NT5M: variants seen among roughly 807,000 people sequenced by gnomAD.
NT5M encodes the protein 5'(3')-deoxyribonucleotidase, mitochondrial.
A neutral mutation model predicts 22.2 loss-of-function variants in NT5M; 22 were observed. That is an observed-to-expected ratio of 0.99 (90% CI 0.71 to 1.41). NT5M has a LOEUF of 1.41. NT5M is among the 40% of genes most tolerant of loss of function. The pLI is 0.00. For synonymous variants in NT5M, 167 were observed against 133.0 expected (o/e 1.26, Z -1.76); for missense variants, 322 against 314.8 (o/e 1.02, Z -0.17).
At position 17,325,005 on chromosome 17, in the gene NT5M, A is replaced by G. The variant is rs574538977; in HGVS notation, c.429+1760A>G. ...CAAAGTGAGTCCTGAGACCAGAGTC[A>G]GCATCCCTTGGAGACTCCTTAGGAG... On this transcript the variant is annotated intron_variant, in intron 3 of 4. Transcript: ENST00000389022. Among the ~76,000 whole-genome samples, 114 of 152,344 alleles carry G rather than the reference A, an allele frequency of 7.5e-4. 3 individuals carry two copies. Among genetic ancestry groups the G allele is most frequent in the Admixed American group, 7.3e-3 (112 of 15,304 alleles).
intron 2 of NT5M, among the ~76,000 whole-genome samples, chr17:17,317,049 G>GTTT (rs1351062225): frequency 3.7e-5 from 3 of 81,610 alleles, no homozygotes; most frequent in African/African-American, 1.1e-4. Context: ...TTTTGTTTTT[G>GTTT]TTTTTGTTTT....
intron 3 of NT5M, among the ~76,000 whole-genome samples, chr17:17,343,242 TATGTGTGTGTGTGTGC>T (rs2049684851): frequency 6.6e-6 from 1 of 152,078 alleles, no homozygotes; most frequent in East Asian, 1.9e-4. Flanking sequence ...GCCCTGTGCA[TATGTGTGTGTGTGTGC>T]ATGTGTGTGT....
chr17:17,314,452 G>A (rs990961597), intron 2 of NT5M, among the ~76,000 whole-genome samples: 1 of 152,112 alleles, frequency 6.6e-6, no homozygotes, highest in Non-Finnish European at 1.5e-5. Context: ...TAAGAATTTG[G>A]TGTGTATGCT....
At chr17:17,342,335 C>T (rs1228300290) in intron 3 of NT5M, among the ~76,000 whole-genome samples, 1 of 152,174 alleles carries the variant, frequency 6.6e-6, no homozygotes, top group Non-Finnish European at 1.5e-5. Context: ...TACGGGATCT[C>T]GTCACCACTA....
At chr17:17,335,008 A>G (rs1016013185) in intron 3 of NT5M, among the ~76,000 whole-genome samples, 1 of 152,104 alleles carries the variant, frequency 6.6e-6, no homozygotes, top group Admixed American at 6.6e-5. Flanking sequence ...TCATTTATGT[A>G]GGCCACCTCT....
At chr17:17,328,728 CCAGT>C (rs2049313378) in intron 3 of NT5M, among the ~76,000 whole-genome samples, 1 of 152,120 alleles carries the variant, frequency 6.6e-6, no homozygotes, top group African/African-American at 2.4e-5. Flanking sequence ...CTTTCAAGAC[CCAGT>C]CAGAGGATGG....
At chr17:17,329,233 CT>C in intron 3 of NT5M, among the ~76,000 whole-genome samples, 1 of 152,324 alleles carries the variant, frequency 6.6e-6, no homozygotes, top group South Asian at 2.1e-4. Flanking sequence ...CCGCCTCGGC[CT>C]CCCAAGGTGC....
rs571060178 is a variant in NT5M at position 17,323,151 on chromosome 17, G to A, written c.369-34G>A. 22 of 1,599,178 alleles carry A rather than the reference G, an allele frequency of 1.4e-5. No individual in the cohort carries two copies. In the East Asian group the frequency reaches 3.8e-4, roughly 28 times the overall value. ...GGCCTCGGGGTGGTGAAGTCATGGG[G>A]CTGCAGGCTCAACCTCCTTTCTCTT... On this transcript the variant is annotated intron_variant, in intron 2 of 4. Coordinates refer to ENST00000389022, the MANE Select transcript of NT5M (RefSeq NM_020201.4).
chr17:17,319,009 G>A (rs1034708032), intron 2 of NT5M, among the ~76,000 whole-genome samples: 12 of 151,548 alleles, frequency 7.9e-5, no homozygotes, highest in Admixed American at 2.6e-4. Flanking sequence ...TCAGGAGTTC[G>A]AGACCAGCCT....
chr17:17,304,642 C>G (rs2048755211), intron 1 of NT5M, among the ~76,000 whole-genome samples: 1 of 152,140 alleles, frequency 6.6e-6, no homozygotes, highest in Non-Finnish European at 1.5e-5. Flanking sequence ...TTTTTAGCCA[C>G]AAGTTCACTG....
chr17:17,342,423 G>A (rs553325652), intron 3 of NT5M, among the ~76,000 whole-genome samples: 2 of 152,234 alleles, frequency 1.3e-5, no homozygotes, highest in African/African-American at 4.8e-5. Flanking sequence ...GCGCCGGTCC[G>A]AGATGAAACA....
At position 17,327,331 on chromosome 17, in the gene NT5M, C is replaced by G. The variant is rs549043502; in HGVS notation, c.429+4086C>G. Among the ~76,000 whole-genome samples the G allele has an allele frequency of 4.0e-5, 4 of 99,736 alleles. 2 individuals are homozygous for G. The highest frequency in any genetic ancestry group is 6.8e-4 in the South Asian group (2 of 2,924). 65.4% of individuals were successfully genotyped at this position (99,736 alleles called of 152,430 possible). ...TTAGCCTTTTTTCTGTCATCAAACA[C>G]TTCAGAAACATGATTTTTTTTTTTT... On this transcript the variant is annotated intron_variant, in intron 3 of 4. Coordinates refer to ENST00000389022, the MANE Select transcript of NT5M (RefSeq NM_020201.4).
chr17:17,335,280 T>C (rs1015709866), intron 3 of NT5M, among the ~76,000 whole-genome samples: 3 of 151,964 alleles, frequency 2.0e-5, no homozygotes, highest in Non-Finnish European at 1.5e-5. Context: ...TTTTTTGAGA[T>C]GGAGTCTTGC....
At chr17:17,320,670 G>C (rs764500981) in intron 2 of NT5M, among the ~76,000 whole-genome samples, 3 of 152,126 alleles carry the variant, frequency 2.0e-5, no homozygotes, top group African/African-American at 7.2e-5. Flanking sequence ...AGGTTGGGAC[G>C]CATCAGCATG....
At chr17:17,338,726 ATTT>A (rs34156759) in intron 3 of NT5M, among the ~76,000 whole-genome samples, 2 of 41,344 alleles carry the variant, frequency 4.8e-5, no homozygotes, top group Admixed American at 3.6e-4. Flanking sequence ...TGTCATTGGT[ATTT>A]TTTTTTTTTT....
At chr17:17,308,052 A>G (rs2048845693) in intron 2 of NT5M, among the ~76,000 whole-genome samples, 1 of 152,152 alleles carries the variant, frequency 6.6e-6, no homozygotes, top group African/African-American at 2.4e-5. Context: ...CTCTGTCTCA[A>G]AAAAAGAATC....
chr17:17,318,785 CA>C (rs61422345), intron 2 of NT5M, among the ~76,000 whole-genome samples: 11,014 of 39,768 alleles, frequency 0.28, 207 homozygotes, highest in African/African-American at 0.38. Flanking sequence ...AACTCCGTCT[CA>C]AAAAAAAAAA....
chr17:17,303,881 C>G, intron 1 of NT5M, 64 bp downstream of exon 1: 1 of 1,316,188 alleles, frequency 7.6e-7, no homozygotes. Context: ...GACACCGCCC[C>G]TGCGCCGGTG....
Position 17,347,220 on chromosome 17 carries a change from G to T in NT5M, c.*273G>T. 1 of 490,302 alleles carries T rather than the reference G, an allele frequency of 2.0e-6. No homozygotes were observed. The highest frequency in any genetic ancestry group is 3.7e-5 in the Admixed American group (1 of 26,768). 30.4% of individuals were successfully genotyped at this position (490,302 alleles called of 1,614,324 possible). A position where few individuals can be genotyped will look rare whatever the true frequency, so the allele number is the denominator to read the frequency against. ...GGCACCAAGCTGCCAGAAGCCCAGG[G>T]GCTCAGGACAGGGAGGAGTTGAGGC... On this transcript the variant is annotated 3_prime_UTR_variant, in exon 5 of 5. Transcript: ENST00000389022.
Sources: allele counts gnomAD v4.1 joint callset (sites outside exome capture counted in the v4.1 genomes callset), GRCh38; gene constraint gnomAD v4.1.1; transcripts MANE v1.5; gene names NCBI Gene and HGNC (gene_info 2026-07-23, HGNC 2026-07-21).